The following UIMC1 variants were observed in gnomAD, a reference collection of about 807,000 sequenced individuals.
The protein encoded by UIMC1 is BRCA1-A complex subunit RAP80.
Under a neutral mutation model 84.9 loss-of-function variants are expected in UIMC1, and 42 were observed. The ratio of observed to expected loss-of-function variants is 0.49; its 90% CI spans 0.39 to 0.64. UIMC1 has a LOEUF of 0.64. Ranked by LOEUF, UIMC1 falls within the 30% of genes least tolerant of loss-of-function variation. The probability of loss-of-function intolerance (pLI) is 0.00; values close to 1 mark genes in which losing one functional copy is unlikely to be tolerated. For synonymous variants in UIMC1, 281 were observed against 293.0 expected, an observed-to-expected ratio of 0.96 and a Z score of 0.42; for missense variants, 825 against 847.6, an observed-to-expected ratio of 0.97 and a Z score of 0.33.
In UIMC1 at chr5:176,911,175, G is replaced by GAA. The variant is rs1421948633; in HGVS notation, c.1676+134_1676+135dup. Reference sequence around the variant, plus strand: ...GAAAAGAAAAGAAAAGAAAAGAAAAGAAAATTCAGGCATCCAAGCAATGAA... The same window carrying GAA: ...GAAAAGAAAAGAAAAGAAAAGAAAAGAAAAAATTCAGGCATCCAAGCAATGAA... On this transcript the variant is annotated intron_variant, in intron 11 of 14. Coordinates refer to ENST00000511320, the MANE Select transcript of UIMC1 (RefSeq NM_001199298.2). 233 of 167,556 alleles carry GAA rather than the reference G, an allele frequency of 1.4e-3. 19 individuals are homozygous for GAA. Among genetic ancestry groups the GAA allele is most frequent in the African/African-American group, 0.01 (190 of 18,548 alleles). The allele number at this position is 167,556 out of a possible 1,614,324, so 10.4% of individuals were successfully genotyped here.
intron 1 of UIMC1, among the ~76,000 whole-genome samples, chr5:176,998,763 G>A (rs1490276487): frequency 5.9e-5 from 9 of 151,822 alleles, no homozygotes; most frequent in South Asian, 2.1e-4. Context: ...GCAAAACTCC[G>A]TCTCAAAAAA....
chr5:176,913,924 C>T (rs149186588), intron 10 of UIMC1, among the ~76,000 whole-genome samples: 1 of 152,298 alleles, frequency 6.6e-6, no homozygotes, highest in East Asian at 1.9e-4. Context: ...CTGCAGTGAG[C>T]TGAGATAGCA....
At position 176,907,448 on chromosome 5, in the gene UIMC1, T is replaced by C. The variant is rs527439946; in HGVS notation, c.1849-271A>G. 164 of 348,722 alleles carry C rather than the reference T, an allele frequency of 4.7e-4. No homozygotes were observed. The East Asian group carries it at 7.9e-3, about 17-fold the overall frequency. The allele number at this position is 348,722 out of a possible 1,614,324, so 21.6% of individuals were successfully genotyped here. ...TACAGGCAGTGATCCCAGAATAAAC[T>C]GGCTGTATAAGTAAGTGCTTACCTA... On this transcript the variant is annotated intron_variant, in intron 12 of 14. Coordinates refer to ENST00000511320, the MANE Select transcript of UIMC1 (RefSeq NM_001199298.2).
At chr5:177,012,006 TAGAC>T (rs1265335543) in intron 1 of UIMC1, among the ~76,000 whole-genome samples, 1 of 152,092 alleles carries the variant, frequency 6.6e-6, no homozygotes, top group African/African-American at 2.4e-5. Context: ...TTCACCGTGT[TAGAC>T]AGGATAGTCT....
At chr5:177,008,406 A>AT (rs1775466081), upstream of UIMC1, among the ~76,000 whole-genome samples, 1 of 152,154 alleles carries the variant, frequency 6.6e-6, no homozygotes, top group Non-Finnish European at 1.5e-5. Context: ...CTATGAGTCT[A>AT]TATCTCTTCT....
At position 176,986,538 on chromosome 5, in the gene UIMC1, C is replaced by CAAAAA. The variant is rs34922824; in HGVS notation, c.-8-3920_-8-3916dup. On this transcript the variant is annotated intron_variant, in intron 1 of 14. Coordinates refer to ENST00000511320, the MANE Select transcript of UIMC1 (RefSeq NM_001199298.2). ...GGGCAACAGAGCAAGACCCTGTCTC[C>CAAAAA]AAAAAAAAAAAAAAAAAAAGGCTGG... Among the ~76,000 whole-genome samples the CAAAAA allele has an allele frequency of 5.6e-3, 444 of 79,222 alleles. 7 individuals are homozygous for CAAAAA. The highest frequency in any genetic ancestry group is 0.021 in the African/African-American group (363 of 16,972). 52.0% of individuals were successfully genotyped at this position (79,222 alleles called of 152,430 possible). A position where few individuals can be genotyped will look rare whatever the true frequency, so the allele number is the denominator to read the frequency against.
chr5:176,958,084 ATC>A lies in UIMC1; in HGVS notation c.1262+7_1262+8del. 2 of 1,613,006 alleles carry A rather than the reference ATC, an allele frequency of 1.2e-6. No individual in the cohort carries two copies. The highest frequency in any genetic ancestry group is 1.7e-6 in the Non-Finnish European group (2 of 1,179,266). On this transcript the variant is annotated splice_region_variant and intron_variant, in intron 7 of 14. Coordinates refer to ENST00000511320, the MANE Select transcript of UIMC1 (RefSeq NM_001199298.2). ...AGAGGAGAATGCATAGCAACATATA[ATC>A]TCTCACCTTTGTGAAGCAGGTACAG...
At chr5:176,931,796 C>T (rs779237916) in intron 10 of UIMC1, among the ~76,000 whole-genome samples, 3 of 152,008 alleles carry the variant, frequency 2.0e-5, no homozygotes, top group African/African-American at 7.2e-5. Flanking sequence ...ACCAGCCTGG[C>T]CAAGATAGTG....
intron 1 of UIMC1, among the ~76,000 whole-genome samples, chr5:176,996,409 G>A (rs1420308276): frequency 6.6e-6 from 1 of 152,110 alleles, no homozygotes; most frequent in Non-Finnish European, 1.5e-5. Flanking sequence ...TAGTCACTGA[G>A]TGGTGTTAAG....
intron 10 of UIMC1, among the ~76,000 whole-genome samples, chr5:176,930,284 T>C (rs957437122): frequency 6.6e-6 from 1 of 152,176 alleles, no homozygotes; most frequent in African/African-American, 2.4e-5. Flanking sequence ...TACCACAAAT[T>C]ATTAAAAAAT....
chr5:176,985,477 T>A (rs1771840076), intron 1 of UIMC1, among the ~76,000 whole-genome samples: 2 of 150,824 alleles, frequency 1.3e-5, no homozygotes, highest in Non-Finnish European at 2.9e-5. Context: ...AAAAAACAAC[T>A]ATATAAATAT....
At chr5:176,973,299 TA>T (rs1769549287) in intron 3 of UIMC1, among the ~76,000 whole-genome samples, 1 of 151,648 alleles carries the variant, frequency 6.6e-6, no homozygotes, top group Admixed American at 6.6e-5. Context: ...GAGGCAAAAA[TA>T]AAATAAAATA....
At chr5:177,022,602 CG>C, upstream of UIMC1, 1 of 922,350 alleles carries the variant, frequency 1.1e-6, no homozygotes, top group Non-Finnish European at 1.5e-6. Context: ...GCAAAATAAG[CG>C]CGGGGTCCCG....
chr5:176,988,679 ATTTTT>A (rs377752493), intron 1 of UIMC1, among the ~76,000 whole-genome samples: 1 of 135,770 alleles, frequency 7.4e-6, no homozygotes, highest in Admixed American at 7.5e-5. Flanking sequence ...TGTTAGGTGA[ATTTTT>A]TTTTTTTTTT....
chr5:176,909,323 T>A (rs1387760675), intron 11 of UIMC1, among the ~76,000 whole-genome samples: 1 of 152,056 alleles, frequency 6.6e-6, no homozygotes, highest in African/African-American at 2.4e-5. Context: ...TGAGGTAAAG[T>A]GTATTGGGCA....
chr5:177,004,253 A>C (rs895726799), intron 1 of UIMC1, among the ~76,000 whole-genome samples: 2 of 152,216 alleles, frequency 1.3e-5, no homozygotes, highest in Non-Finnish European at 2.9e-5. Flanking sequence ...AAAGAATCAC[A>C]GCAGATGATG....
exon 1 of UIMC1, chr5:177,022,522 T>A: frequency 2.2e-6 from 1 of 458,990 alleles, no homozygotes; most frequent in Non-Finnish European, 3.8e-6. Flanking sequence ...GAGGGGGGGG[T>A]CACTGCTGCG....
At chr5:177,002,781 A>G (rs1389176279) in intron 1 of UIMC1, among the ~76,000 whole-genome samples, 1 of 152,094 alleles carries the variant, frequency 6.6e-6, no homozygotes, top group Non-Finnish European at 1.5e-5. Flanking sequence ...TCAGGACAGA[A>G]CGAGACTCTG....
intron 1 of UIMC1, among the ~76,000 whole-genome samples, chr5:176,994,390 TA>T (rs1773288911): frequency 1.3e-5 from 2 of 151,274 alleles, no homozygotes; most frequent in South Asian, 4.1e-4. Flanking sequence ...TTAGAATGGC[TA>T]AAATTGAAAA....
Sources: allele counts gnomAD v4.1 joint callset (sites outside exome capture counted in the v4.1 genomes callset), GRCh38; gene constraint gnomAD v4.1.1; transcripts MANE v1.5; gene names NCBI Gene and HGNC (gene_info 2026-07-23, HGNC 2026-07-21).